FAN1: variants seen among roughly 807,000 people sequenced by gnomAD.
FAN1 encodes fanconi-associated nuclease 1.
Under a neutral mutation model 104.9 loss-of-function variants are expected in FAN1, and 91 were observed. The ratio of observed to expected loss-of-function variants is 0.87; its 90% CI spans 0.73 to 1.03. The LOEUF is 1.03. FAN1 is among the 50% of genes least tolerant of loss of function. FAN1 has a pLI of 0.00. For synonymous variants in FAN1, 478 were observed against 457.6 expected (o/e 1.04, Z -0.57); for missense variants, 1,263 against 1,239.9 (o/e 1.02, Z -0.28).
chr15:30,939,597 T>C (rs1178782878), intron 14 of FAN1: 7 of 933,782 alleles, frequency 7.5e-6, no homozygotes, highest in Non-Finnish European at 8.9e-6. Flanking sequence ...TTAACCATTA[T>C]TAATAGTACC....
chr15:30,942,056 G>T lies in FAN1; in HGVS notation c.*494G>T. ...TAAGGCAGACGGCATTCCTCTTAGT[G>T]TGGAGCTGTAGCTTTTCTATACAGA... On this transcript the variant is annotated 3_prime_UTR_variant, in exon 15 of 15. Coordinates refer to ENST00000362065, the MANE Select transcript of FAN1 (RefSeq NM_014967.5). 1 of 1,613,620 alleles carries T rather than the reference G, an allele frequency of 6.2e-7. No homozygotes were observed. The highest frequency in any genetic ancestry group is 2.2e-5 in the East Asian group (1 of 44,880).
intron 10 of FAN1, chr15:30,928,327 T>A: frequency 7.7e-7 from 1 of 1,299,334 alleles, no homozygotes; most frequent in Non-Finnish European, 9.7e-7. Context: ...AATTTTTCTA[T>A]GATTACTAAG....
At chr15:30,939,395 G>A in intron 14 of FAN1, 1 of 985,444 alleles carries the variant, frequency 1.0e-6, no homozygotes, top group Non-Finnish European at 1.2e-6. Flanking sequence ...CACCACTGCT[G>A]TCACCACATG....
chr15:30,908,345 C>G (rs1355028724), intron 3 of FAN1, 87 bp downstream of exon 3: 2 of 1,193,678 alleles, frequency 1.7e-6, no homozygotes, highest in East Asian at 5.2e-5. Context: ...ATTATGGTGC[C>G]CTCCCCGGGG....
At chr15:30,941,260 T>G in intron 14 of FAN1, 4 of 1,468,074 alleles carry the variant, frequency 2.7e-6, no homozygotes, top group Non-Finnish European at 3.6e-6. Context: ...AGACCTGTAA[T>G]GACAGAAAGA....
At chr15:30,927,561 A>G (rs11070678) in intron 10 of FAN1, 159,829 of 985,216 alleles carry the variant, frequency 0.16, 15,325 homozygotes, top group African/African-American at 0.43. Flanking sequence ...CTCTCACAGC[A>G]CCCCTGATCC....
At chr15:30,920,941 G>A (rs1313369917) in intron 7 of FAN1, among the ~76,000 whole-genome samples, 1 of 152,130 alleles carries the variant, frequency 6.6e-6, no homozygotes, top group African/African-American at 2.4e-5. Context: ...GCGCCACCAT[G>A]CCTAGCTAAT....
At chr15:30,928,948 C>A in intron 11 of FAN1, 1 of 337,818 alleles carries the variant, frequency 3.0e-6, no homozygotes, top group Non-Finnish European at 4.2e-6. Flanking sequence ...GGCACTGTGC[C>A]AAGGAGCTCA....
At position 30,914,110 on chromosome 15, in the gene FAN1, A is replaced by C; in HGVS notation, c.1811+19A>C. 3.2e-5 allele frequency: 48 copies of C among 1,523,798 alleles called. No individual in the cohort carries two copies. The highest frequency in any genetic ancestry group is 4.0e-5 in the Non-Finnish European group (44 of 1,099,530). 94.4% of individuals were successfully genotyped at this position (1,523,798 alleles called of 1,614,324 possible). ...TTATCAGGTAAGATGATGTTAGCTC[A>C]CTATAATGTCTATATGTGTATTTCA... On this transcript the variant is annotated intron_variant, in intron 5 of 14. Coordinates refer to ENST00000362065, the MANE Select transcript of FAN1 (RefSeq NM_014967.5).
At position 30,905,749 on chromosome 15, in the gene FAN1, C is replaced by T; in HGVS notation, c.1086C>T (p.Ser362=). 1.2e-6 allele frequency: 2 copies of T among 1,614,210 alleles called. No individual in the cohort carries two copies. Among genetic ancestry groups the T allele is most frequent in the Non-Finnish European group, 1.7e-6 (2 of 1,180,038 alleles). ...PHSIPLEQGS[S]CNGPGQTTGH... ...GCATTCCTTTGGAGCAGGGGTCAAG[C>T]TGCAATGGTCCTGGTCAAACAACCG... Residue 362 remains serine (S), a synonymous_variant, in exon 2 of 15, where the codon AGC becomes AGT. Transcript: ENST00000362065.
rs193193993 is a variant in FAN1 at position 30,918,285 on chromosome 15, C to T, written c.1933C>T (p.Pro645Ser). 3.1e-6 allele frequency: 5 copies of T among 1,614,068 alleles called. No homozygotes were observed. In the African/African-American group the frequency reaches 5.3e-5, roughly 17 times the overall value. Residue 645 changes from proline to serine, a missense_variant, in exon 6 of 15, where the codon CCT becomes TCT. Physicochemically the swap from Pro to Ser is moderately conservative, Grantham distance 74. Around this residue, in one of 2 missense-constraint regions of FAN1, gnomAD observed 581 missense variants for 668.8 expected, o/e 0.87. Coordinates refer to ENST00000362065, the MANE Select transcript of FAN1 (RefSeq NM_014967.5). ...GGATTGGAACAGACTGAAAAACCACCCTTCTCTGAGGTGAGAGTTTTTCTA... is the reference window on the plus strand; with the variant it reads ...GGATTGGAACAGACTGAAAAACCACTCTTCTCTGAGGTGAGAGTTTTTCTA... ...KRDWNRLKNH[P>S]SLRCHEDLPL...
intron 2 of FAN1, 84 bp downstream of exon 2, chr15:30,905,981 A>G (rs945110149): frequency 3.0e-5 from 39 of 1,278,846 alleles, no homozygotes; most frequent in Non-Finnish European, 4.0e-5. Context: ...GCAGTAATCT[A>G]GTGACCGCAA....
Position 30,914,102 on chromosome 15 carries a change from G to C in FAN1, c.1811+11G>C. ...AGATGATCTTATCAGGTAAGATGAT[G>C]TTAGCTCACTATAATGTCTATATGT... On this transcript the variant is annotated intron_variant, in intron 5 of 14. Coordinates refer to ENST00000362065, the MANE Select transcript of FAN1 (RefSeq NM_014967.5). 6.4e-7 allele frequency: 1 copy of C among 1,557,782 alleles called. No homozygotes were observed. The highest frequency in any genetic ancestry group is 8.9e-7 in the Non-Finnish European group (1 of 1,129,374).
In FAN1 at chr15:30,910,680, C is replaced by T; in HGVS notation, c.1442C>T (p.Ala481Val). ...LLSAPELKSLAKTFHLVNPNG... is the reference protein window; with the variant it reads ...LLSAPELKSLVKTFHLVNPNG... ...TCTGCTCCTGAACTAAAATCCCTAG[C>T]CAAGACCTTCCACTTGGTGAATCCC... Residue 481 changes from alanine (A) to valine (V), a missense_variant, in exon 4 of 15, where the codon GCC becomes GTC. Around this residue, in one of 2 missense-constraint regions of FAN1, gnomAD observed 682 missense variants for 571.1 expected, o/e 1.19. Coordinates refer to ENST00000362065, the MANE Select transcript of FAN1 (RefSeq NM_014967.5). The T allele has an allele frequency of 6.2e-7, 1 of 1,613,966 alleles. No individual in the cohort carries two copies. Among genetic ancestry groups the T allele is most frequent in the South Asian group, 1.1e-5 (1 of 91,068 alleles).
chr15:30,934,055 C>G (rs2062788044), intron 13 of FAN1, among the ~76,000 whole-genome samples: 1 of 152,262 alleles, frequency 6.6e-6, no homozygotes, highest in South Asian at 2.1e-4. Context: ...TGTATTTCTT[C>G]TTGCGTTTCT....
Position 30,905,456 on chromosome 15 carries a change from T to G in FAN1, c.793T>G (p.Phe265Val). 1.2e-6 allele frequency: 2 copies of G among 1,614,100 alleles called. No homozygotes were observed. Among genetic ancestry groups the G allele is most frequent in the Non-Finnish European group, 1.7e-6 (2 of 1,179,954 alleles). The change falls in exon 2 of 15, where the codon TTC becomes GTC. Residue 265 changes from phenylalanine (F) to valine (V), a missense_variant. By Grantham distance (50) the Phe-to-Val change is conservative. This residue lies in a region of FAN1 where 682 missense variants were observed against 571.1 expected (regional missense o/e 1.19). Coordinates refer to ENST00000362065, the MANE Select transcript of FAN1 (RefSeq NM_014967.5). ...ATTCTCAGATAATGCGATCATGTTA[T>G]TCTCACCAGATTTCACTCTTAGGAA... is the stretch of plus-strand genomic sequence containing the variant. Reference protein sequence around the residue: ...PGFSDNAIMLFSPDFTLRNTL... With the variant: ...PGFSDNAIMLVSPDFTLRNTL...
intron 8 of FAN1, 22 bp downstream of exon 8, chr15:30,922,376 C>T (rs770317950): frequency 4.6e-5 from 73 of 1,576,422 alleles, no homozygotes; most frequent in Non-Finnish European, 6.1e-5. Context: ...CAAAACATAT[C>T]TGAAACACCT....
In FAN1 at chr15:30,939,187, TTAAA is replaced by T. The variant is rs1233699127; in HGVS notation, c.*3+1933_*3+1936del. 6 of 985,328 alleles carry T rather than the reference TTAAA, an allele frequency of 6.1e-6. No individual in the cohort carries two copies. In the East Asian group the frequency reaches 3.4e-4, roughly 56 times the overall value. 61.0% of individuals were successfully genotyped at this position (985,328 alleles called of 1,614,324 possible). ...GTTAGTACAAATTAATATCCTTTCC[TTAAA>T]TAAAGTTAGTTAGCTATTTTTGGTT... On this transcript the variant is annotated intron_variant, in intron 14 of 14. Transcript: ENST00000362065.
At chr15:30,939,563 AC>A in intron 14 of FAN1, 1 of 963,334 alleles carries the variant, frequency 1.0e-6, no homozygotes, top group Non-Finnish European at 1.2e-6. Context: ...TGATTATCAT[AC>A]AAAAATATGC....
Sources: allele counts gnomAD v4.1 joint callset (sites outside exome capture counted in the v4.1 genomes callset), GRCh38; gene constraint gnomAD v4.1.1; regional missense constraint gnomAD v4.1.1; transcripts MANE v1.5; gene names NCBI Gene and HGNC (gene_info 2026-07-23, HGNC 2026-07-21).